The following TOGARAM1 variants were observed in gnomAD, a reference collection of about 807,000 sequenced individuals.
The protein encoded by TOGARAM1 is TOG array regulator of axonemal microtubules protein 1.
TOGARAM1 carries 100 observed loss-of-function variants against 166.6 expected under a neutral mutation model. The observed-to-expected ratio is 0.60, with a 90% confidence interval of 0.51 to 0.71. The LOEUF is 0.71. Among genes scored for constraint, TOGARAM1 ranks in the 30% least tolerant of loss-of-function variants. The pLI, the probability that TOGARAM1 is intolerant of heterozygous loss-of-function variation, is 0.00. For synonymous variants in TOGARAM1, 758 were observed against 763.8 expected (o/e 0.99, Z 0.13); for missense variants, 2,029 against 2,102.7 (o/e 0.96, Z 0.69).
At chr14:44,965,928 G>A (rs1020388768) in intron 1 of TOGARAM1, among the ~76,000 whole-genome samples, 5 of 145,278 alleles carry the variant, frequency 3.4e-5, no homozygotes, top group African/African-American at 1.3e-4. Context: ...AGGCTGGAGC[G>A]CAATGGCGCA....
At position 45,000,352 on chromosome 14, in the gene TOGARAM1, A is replaced by G. The variant is rs139214520; in HGVS notation, c.2338+855A>G. On this transcript the variant is annotated intron_variant, in intron 3 of 19. Transcript: ENST00000361462. ...ACCTTCTCTTTATTACCTACTTCTCACTGCCCTTGCCAGCCTCTGGATACC... is the reference window on the plus strand; with the variant it reads ...ACCTTCTCTTTATTACCTACTTCTCGCTGCCCTTGCCAGCCTCTGGATACC... Among the ~76,000 whole-genome samples the G allele has an allele frequency of 2.6e-5, 4 of 151,968 alleles. No homozygotes were observed. In the East Asian group the frequency reaches 7.8e-4, roughly 29 times the overall value.
intron 11 of TOGARAM1, among the ~76,000 whole-genome samples, chr14:45,033,955 A>C (rs1881298037): frequency 6.6e-6 from 1 of 152,172 alleles, no homozygotes; most frequent in Non-Finnish European, 1.5e-5. Context: ...GGAGTTCGAG[A>C]CCAGCCTGGC....
intron 16 of TOGARAM1, among the ~76,000 whole-genome samples, chr14:45,058,581 C>A (rs1882756881): frequency 6.6e-6 from 1 of 152,162 alleles, no homozygotes; most frequent in Admixed American, 6.5e-5. Flanking sequence ...GCGTGAGCCA[C>A]CATGCCCAGC....
chr14:44,989,195 G>A lies in TOGARAM1; in HGVS notation c.2047-6551G>A, dbSNP rs539403279. On this transcript the variant is annotated intron_variant, in intron 1 of 19. Coordinates refer to ENST00000361462, the MANE Select transcript of TOGARAM1 (RefSeq NM_001308120.2). ...CTTATACAATGACATTGAATTTTCT[G>A]TGTTTTTAAAATGCTGAACTTGCCT... 3.3e-5 allele frequency among the ~76,000 whole-genome samples: 5 copies of A among 152,132 alleles called. No individual in the cohort carries two copies. The East Asian group carries it at 9.6e-4, about 29-fold the overall frequency.
intron 13 of TOGARAM1, among the ~76,000 whole-genome samples, chr14:45,045,583 A>ATATATATATG (rs1431167583): frequency 2.7e-5 from 1 of 37,472 alleles, no homozygotes; most frequent in African/African-American, 1.3e-4. Context: ...ATATATATAT[A>ATATATATATG]TGTGTGTGTG....
rs763080044 is a variant in TOGARAM1 at position 45,052,540 on chromosome 14, C to G, written c.4418C>G (p.Ser1473Cys). The G allele has an allele frequency of 3.7e-6, 6 of 1,600,970 alleles. No homozygotes were observed. The South Asian group carries it at 5.6e-5, about 15-fold the overall frequency. ...AAAGATTTGCCATATATTAAGGACT[C>G]TGTTAGAAACTTACAGCAAAAGGTA... ...PSKDLPYIKD[S>C]VRNLQQKGLG... Residue 1473 changes from serine to cysteine, a missense_variant, in exon 15 of 20, where the codon TCT (serine) becomes TGT (cysteine). Physicochemically the swap from Ser to Cys is moderately radical, Grantham distance 112 (BLOSUM62 -1). Around this residue, in one of 2 missense-constraint regions of TOGARAM1, gnomAD observed 576 missense variants for 670.5 expected, o/e 0.86. Transcript: ENST00000361462.
Position 45,009,032 on chromosome 14 carries a change from C to T in TOGARAM1, c.3024C>T (p.Asp1008=). ...CAATGAAGCTCGACTTGACGATGGA[C>T]TCCCCGTCTCTGTCTTCCTCACCAA... ...DSAMKLDLTM[D]SPSLSSSPNI... The change falls in exon 6 of 20, where the codon GAC becomes GAT. Residue 1008 remains aspartate (D), a synonymous_variant. Coordinates refer to ENST00000361462, the MANE Select transcript of TOGARAM1 (RefSeq NM_001308120.2). 6.2e-7 allele frequency: 1 copy of T among 1,614,080 alleles called. No homozygotes were observed. The highest frequency in any genetic ancestry group is 8.5e-7 in the Non-Finnish European group (1 of 1,179,990).
At chr14:45,063,531 G>A (rs1297303005) in intron 16 of TOGARAM1, among the ~76,000 whole-genome samples, 1 of 145,246 alleles carries the variant, frequency 6.9e-6, no homozygotes, top group Non-Finnish European at 1.5e-5. Flanking sequence ...GTCGCCCAAG[G>A]TGGAGTACAG....
chr14:45,030,257 T>C (rs960725705), intron 10 of TOGARAM1, among the ~76,000 whole-genome samples: 6 of 152,248 alleles, frequency 3.9e-5, no homozygotes, highest in African/African-American at 1.2e-4. Context: ...CTTTGTATTG[T>C]TATAATCTCA....
intron 11 of TOGARAM1, among the ~76,000 whole-genome samples, chr14:45,037,949 C>G (rs1223960498): frequency 1.3e-5 from 2 of 151,634 alleles, no homozygotes; most frequent in Non-Finnish European, 2.9e-5. Context: ...ACCCAGGAGT[C>G]AGAGGTTATA....
intron 16 of TOGARAM1, among the ~76,000 whole-genome samples, chr14:45,056,520 T>C (rs1344059933): frequency 2.6e-5 from 4 of 152,188 alleles, no homozygotes; most frequent in Non-Finnish European, 5.9e-5. Flanking sequence ...ATGGCCTTTA[T>C]TATGTTGAGG....
At chr14:44,996,741 G>A (rs1174072130) in intron 2 of TOGARAM1, 3 of 152,322 alleles carry the variant, frequency 2.0e-5, no homozygotes, top group African/African-American at 7.2e-5. Context: ...CTGCTTCTGG[G>A]GAAACCTCAA....
At position 45,074,427 on chromosome 14, in the gene TOGARAM1, CTT is replaced by C. The variant is rs957902650; in HGVS notation, c.*868_*869del. On this transcript the variant is annotated 3_prime_UTR_variant, in exon 20 of 20. Transcript: ENST00000361462. ...TGTTATAAAATAAAAGGATTTATTT[CTT>C]TAGATGTGTGAGAGGTGTCCTGTTT... 8 of 152,278 alleles carry C rather than the reference CTT, an allele frequency of 5.3e-5. No homozygotes were observed. The highest frequency in any genetic ancestry group is 1.9e-4 in the African/African-American group (8 of 41,314). The allele number at this position is 152,278 out of a possible 1,614,324, so 9.4% of individuals were successfully genotyped here.
Position 44,963,184 on chromosome 14 carries a change from G to T in TOGARAM1, c.763G>T (p.Glu255Ter). 6.2e-7 allele frequency: 1 copy of T among 1,614,174 alleles called. No homozygotes were observed. Among genetic ancestry groups the T allele is most frequent in the Non-Finnish European group, 8.5e-7 (1 of 1,180,030 alleles). Residue 255 changes from glutamate (E) to a stop codon, truncating the protein, a stop_gained, in exon 1 of 20, where the codon GAG becomes TAG. Transcript: ENST00000361462. LOFTEE classifies it high-confidence loss of function. The stretch of plus-strand genomic sequence containing the variant: ...CTTGTTGCTTGGTCTGGATCTCACC[G>T]AGGTGATAATATCCCTAGCCCGAAA... ...EDLLLGLDLT[E>*]VIISLARKLG...
intron 9 of TOGARAM1, among the ~76,000 whole-genome samples, 177 bp downstream of exon 9, chr14:45,027,651 A>G (rs1467219483): frequency 6.6e-6 from 1 of 152,166 alleles, no homozygotes; most frequent in African/African-American, 2.4e-5. Flanking sequence ...AAATACAAAA[A>G]TTAGCCAGGA....
At chr14:45,035,269 A>G (rs981661734) in intron 11 of TOGARAM1, among the ~76,000 whole-genome samples, 15 of 152,110 alleles carry the variant, frequency 9.9e-5, no homozygotes, top group Non-Finnish European at 1.3e-4. Flanking sequence ...CTGGGGCAGG[A>G]GAATCGCTTA....
Position 45,004,271 on chromosome 14 carries a change from C to A in TOGARAM1, c.2549C>A (p.Ser850Tyr), listed in dbSNP as rs199830668. The change falls in exon 4 of 20, where the codon TCC becomes TAC. Residue 850 changes from serine to tyrosine, a missense_variant. Physicochemically the swap from Ser to Tyr is moderately radical, Grantham distance 144 (BLOSUM62 -2). Around this residue, in one of 2 missense-constraint regions of TOGARAM1, gnomAD observed 1,453 missense variants for 1,432.2 expected, o/e 1.01. Transcript: ENST00000361462. The stretch of plus-strand genomic sequence containing the variant: ...GATAATTCTGTTAATTTCTCAAATT[C>A]CTGGCCTCTTAAAAGCTTCGAAGGA... ...SQDNSVNFSNSWPLKSFEGLS... is the reference protein window; with the variant it reads ...SQDNSVNFSNYWPLKSFEGLS... The A allele has an allele frequency of 1.4e-5, 23 of 1,613,982 alleles. No individual in the cohort carries two copies. The highest frequency in any genetic ancestry group is 1.8e-5 in the Non-Finnish European group (21 of 1,180,008).
intron 13 of TOGARAM1, among the ~76,000 whole-genome samples, chr14:45,046,052 C>G (rs763692514): frequency 6.6e-6 from 1 of 151,914 alleles, no homozygotes; most frequent in Non-Finnish European, 1.5e-5. Flanking sequence ...TTGCTTTTAA[C>G]TTTTGGGGAA....
intron 13 of TOGARAM1, among the ~76,000 whole-genome samples, chr14:45,045,660 CATATATATGTGTATATATATACACAT>C (rs1566660927): frequency 8.4e-5 from 7 of 83,178 alleles, no homozygotes; most frequent in Non-Finnish European, 1.2e-4. Context: ...TATATACACA[CATATATATGTGTATATATATACACAT>C]ATATACACAT....
Sources: allele counts gnomAD v4.1 joint callset (sites outside exome capture counted in the v4.1 genomes callset), GRCh38; gene constraint gnomAD v4.1.1; regional missense constraint gnomAD v4.1.1; transcripts MANE v1.5; gene names NCBI Gene and HGNC (gene_info 2026-07-23, HGNC 2026-07-21).